The following MYH16 variants were observed in gnomAD, a reference collection of about 807,000 sequenced individuals.
MYH16 encodes putative uncharacterized protein MYH16.
At chr7:99,244,428 G>C (rs1228477781) in intron 2 of MYH16, among the ~76,000 whole-genome samples, 2 of 152,182 alleles carry the variant, frequency 1.3e-5, no homozygotes. Context: ...CTCCCAAAAT[G>C]GGTTGTCTAA....
intron 13 of MYH16, chr7:99,263,212 G>A (rs1176771900): frequency 6.6e-6 from 1 of 152,400 alleles, no homozygotes; most frequent in Non-Finnish European, 1.5e-5. Context: ...CCCAGGATGT[G>A]GGGGTGAAAG....
chr7:99,276,745 T>C (rs886620), intron 20 of MYH16, among the ~76,000 whole-genome samples: 45,443 of 152,166 alleles, frequency 0.3, 12,634 homozygotes, highest in African/African-American at 0.73. Context: ...TCGAGAGGTG[T>C]GACTTCATGT....
At chr7:99,239,701 C>T (rs1294606216) in intron 1 of MYH16, among the ~76,000 whole-genome samples, 1 of 152,192 alleles carries the variant, frequency 6.6e-6, no homozygotes, top group African/African-American at 2.4e-5. Context: ...AGGGATTTTA[C>T]AGCCAGTTGT....
chr7:99,307,806 G>T (rs1190914491), downstream of MYH16, among the ~76,000 whole-genome samples: 1 of 152,068 alleles, frequency 6.6e-6, no homozygotes, highest in Non-Finnish European at 1.5e-5. Flanking sequence ...TCGGCTCACT[G>T]CAACCTCCGC....
At chr7:99,291,151 G>C (rs1325841707) in intron 30 of MYH16, among the ~76,000 whole-genome samples, 172 bp from the exon 12 acceptor site, 1 of 152,150 alleles carries the variant, frequency 6.6e-6, no homozygotes, top group Non-Finnish European at 1.5e-5. Flanking sequence ...TTTCTCCTGG[G>C]TTCACTTAAT....
exon 13 of MYH16, chr7:99,261,485 A>C (rs1427418658): frequency 6.5e-6 from 1 of 154,236 alleles, no homozygotes; most frequent in Non-Finnish European, 1.5e-5. Context: ...TTGGAGGAAC[A>C]GTGCGTCTTC....
At chr7:99,240,813 C>G (rs1292241439) in intron 1 of MYH16, among the ~76,000 whole-genome samples, 1 of 147,858 alleles carries the variant, frequency 6.8e-6, no homozygotes, top group Non-Finnish European at 1.5e-5. Context: ...GCACTCCAGC[C>G]TGGGTGACAG....
chr7:99,291,573 G>A (rs942991249), intron 31 of MYH16, 123 bp downstream of exon 12: 10 of 356,604 alleles, frequency 2.8e-5, no homozygotes, highest in Non-Finnish European at 4.4e-5. Flanking sequence ...TGGGAGGTTC[G>A]CTTAAGGCCA....
chr7:99,249,579 T>G (rs921135403), intron 4 of MYH16, among the ~76,000 whole-genome samples: 1 of 139,920 alleles, frequency 7.1e-6, no homozygotes, highest in African/African-American at 2.8e-5. Context: ...GCTGTTTTTT[T>G]TTTTTTTTTT....
At chr7:99,285,825 G>C (rs57332660) in intron 27 of MYH16, among the ~76,000 whole-genome samples, 2,815 of 152,364 alleles carry the variant, frequency 0.018, 72 homozygotes, top group African/African-American at 0.064. Context: ...GTGTTAGCAA[G>C]AGCAGAGCAT....
chr7:99,251,514 TC>T (rs1359797671), intron 6 of MYH16, among the ~76,000 whole-genome samples: 125 of 152,334 alleles, frequency 8.2e-4, no homozygotes, highest in African/African-American at 3.0e-3. Flanking sequence ...TTATGAAGCA[TC>T]TAGAATTTTT....
chr7:99,287,533 C>CA (rs397889162), intron 28 of MYH16, among the ~76,000 whole-genome samples: 1,025 of 45,982 alleles, frequency 0.022, 12 homozygotes, highest in African/African-American at 0.028. Flanking sequence ...AACTTCTTCT[C>CA]AAAAAAAAAA....
chr7:99,302,317 T>C (rs374330887), intron 38 of MYH16, among the ~76,000 whole-genome samples: 3,607 of 95,326 alleles, frequency 0.038, 189 homozygotes, highest in African/African-American at 0.072. Flanking sequence ...AAAAAATATA[T>C]ACACACACAC....
chr7:99,294,500 CAAAA>C (rs1159682450), intron 33 of MYH16, among the ~76,000 whole-genome samples: 3 of 25,570 alleles, frequency 1.2e-4, no homozygotes, highest in African/African-American at 2.1e-4. Flanking sequence ...GACCCTGTCT[CAAAA>C]AAAAAAAAAA....
intron 18 of MYH16, among the ~76,000 whole-genome samples, chr7:99,270,020 C>T (rs1490241940): frequency 2.0e-5 from 3 of 151,756 alleles, no homozygotes; most frequent in South Asian, 2.1e-4. Flanking sequence ...ATTACAGGCA[C>T]CTGCCAGCAT....
At chr7:99,290,122 T>A (rs1216719646) in intron 30 of MYH16, among the ~76,000 whole-genome samples, 1 of 152,216 alleles carries the variant, frequency 6.6e-6, no homozygotes, top group Non-Finnish European at 1.5e-5. Flanking sequence ...GGCCTGTTAG[T>A]GCTCCGGTGT....
At chr7:99,243,880 T>C (rs758249355) in intron 2 of MYH16, among the ~76,000 whole-genome samples, 15 of 151,488 alleles carry the variant, frequency 9.9e-5, no homozygotes, top group Non-Finnish European at 7.4e-5. Flanking sequence ...CAAACATTCA[T>C]CCATCCAAAC....
chr7:99,306,410 C>G (rs112822061), intron 41 of MYH16, among the ~76,000 whole-genome samples, 199 bp from the exon 23 acceptor site: 7,861 of 152,074 alleles, frequency 0.052, 291 homozygotes, highest in Middle Eastern at 0.13. Flanking sequence ...CACCTTAATC[C>G]CAGCTACTTG....
intron 5 of MYH16, among the ~76,000 whole-genome samples, chr7:99,250,284 G>T (rs931280987): frequency 2.2e-4 from 33 of 152,184 alleles, no homozygotes; most frequent in African/African-American, 7.2e-4. Context: ...TTGTTCTGCT[G>T]CCCCAGGCCA....
Sources: allele counts gnomAD v4.1 joint callset (sites outside exome capture counted in the v4.1 genomes callset), GRCh38; gene constraint gnomAD v4.1.1; transcripts MANE v1.5; gene names NCBI Gene and HGNC (gene_info 2026-07-23, HGNC 2026-07-21).